Variants in EVC2 observed in about 807,000 individuals in gnomAD.
The protein encoded by EVC2 is EvC ciliary complex subunit 2, also known as limbin.
A neutral mutation model predicts 149.3 loss-of-function variants in EVC2; 148 were observed. The ratio of observed to expected loss-of-function variants is 0.99; its 90% CI spans 0.87 to 1.14. The LOEUF is 1.14. Ranked by LOEUF, EVC2 falls within the 50% of genes most tolerant of loss-of-function variation. The pLI is 0.00. For synonymous variants in EVC2, 776 were observed against 649.9 expected (o/e 1.19, Z -2.95); for missense variants, 1,854 against 1,627.3 (o/e 1.14, Z -2.40).
At chr4:5,671,762 G>A (rs1175641205) in intron 7 of EVC2, among the ~76,000 whole-genome samples, 6 of 152,232 alleles carry the variant, frequency 3.9e-5, no homozygotes, top group East Asian at 1.9e-4. Flanking sequence ...TGCCCACCTC[G>A]GCCTCCCAAA....
chr4:5,681,423 A>C, intron 6 of EVC2, 110 bp from the exon 7 acceptor site: 2 of 1,108,558 alleles, frequency 1.8e-6, no homozygotes, highest in Non-Finnish European at 1.3e-6. Context: ...AATCAGCCCT[A>C]ACTGCTGCAC....
At chr4:5,602,314 A>AG (rs1714049785) in intron 16 of EVC2, among the ~76,000 whole-genome samples, 1 of 146,216 alleles carries the variant, frequency 6.8e-6, no homozygotes, top group African/African-American at 2.6e-5. Context: ...AAAAAAAAAA[A>AG]GTAAAAAGAA....
At chr4:5,623,224 C>T (rs1031364984) in intron 13 of EVC2, among the ~76,000 whole-genome samples, 3 of 152,204 alleles carry the variant, frequency 2.0e-5, no homozygotes, top group Non-Finnish European at 4.4e-5. Context: ...CAATCTCCAC[C>T]TCCTGGGTTC....
chr4:5,695,103 A>C (rs1721384679), intron 2 of EVC2, among the ~76,000 whole-genome samples: 1 of 151,954 alleles, frequency 6.6e-6, no homozygotes, highest in South Asian at 2.1e-4. Context: ...TAATCCTAGC[A>C]CTTTGGGAGG....
chr4:5,678,843 C>T (rs1234654338), intron 7 of EVC2, among the ~76,000 whole-genome samples: 1 of 152,064 alleles, frequency 6.6e-6, no homozygotes, highest in African/African-American at 2.4e-5. Flanking sequence ...CCAGCCTGGC[C>T]AATGTGGTAA....
In EVC2 at chr4:5,702,499, TC is replaced by T. The variant is rs541426142; in HGVS notation, c.229-4853del. ...TGGTCTCTGCTAACCCTCCACTGCC[TC>T]CTCCCCTTCTGATCAACTTCCAGTA... is the stretch of plus-strand genomic sequence containing the variant. On this transcript the variant is annotated intron_variant, in intron 1 of 21. Coordinates refer to ENST00000344408, the MANE Select transcript of EVC2 (RefSeq NM_147127.5). Among the ~76,000 whole-genome samples, 258 of 152,264 alleles carry T rather than the reference TC, an allele frequency of 1.7e-3. 2 individuals are homozygous for T. Among genetic ancestry groups the T allele is most frequent in the African/African-American group, 5.6e-3 (232 of 41,564 alleles).
At chr4:5,601,784 G>C (rs760003427) in intron 16 of EVC2, among the ~76,000 whole-genome samples, 1 of 152,176 alleles carries the variant, frequency 6.6e-6, no homozygotes, top group Admixed American at 6.5e-5. Flanking sequence ...TAACAACAAC[G>C]ATAAAACCAG....
chr4:5,687,312 A>G (rs900855155), intron 5 of EVC2, among the ~76,000 whole-genome samples: 6 of 152,180 alleles, frequency 3.9e-5, no homozygotes, highest in African/African-American at 1.2e-4. Context: ...ACCTCCTATT[A>G]CCAGGAGCCC....
intron 1 of EVC2, among the ~76,000 whole-genome samples, chr4:5,707,356 C>T (rs1722274794): frequency 6.6e-6 from 1 of 152,114 alleles, no homozygotes; most frequent in Admixed American, 6.5e-5. Flanking sequence ...GGGTAGAGAA[C>T]ACAGCAGGAC....
intron 16 of EVC2, among the ~76,000 whole-genome samples, chr4:5,606,463 G>A (rs75378052): frequency 0.018 from 2,727 of 152,268 alleles, 71 homozygotes; most frequent in African/African-American, 0.063. Context: ...AAACGCAGCT[G>A]TTAACCCAAG....
chr4:5,695,724 C>G (rs1721434054), intron 2 of EVC2, among the ~76,000 whole-genome samples: 1 of 152,180 alleles, frequency 6.6e-6, no homozygotes, highest in South Asian at 2.1e-4. Flanking sequence ...TGGCATTGTG[C>G]CTTCTTCAAC....
chr4:5,625,396 A>G lies in EVC2; in HGVS notation c.2046+353T>C, dbSNP rs920722647. Reference sequence around the variant, plus strand: ...AGGGTTAATATACAGATTAAACAAGATATCTTATATAACACACTTAGCACA... The same window carrying G: ...AGGGTTAATATACAGATTAAACAAGGTATCTTATATAACACACTTAGCACA... On this transcript the variant is annotated intron_variant, in intron 13 of 21. Coordinates refer to ENST00000344408, the MANE Select transcript of EVC2 (RefSeq NM_147127.5). The surrounding 1 kb of genome is among the most constrained non-coding windows in gnomAD (Gnocchi z 4.0). Among the ~76,000 whole-genome samples, 3 of 152,228 alleles carry G rather than the reference A, an allele frequency of 2.0e-5. No individual in the cohort carries two copies. The highest frequency in any genetic ancestry group is 7.2e-5 in the African/African-American group (3 of 41,536).
At chr4:5,674,149 C>T (rs1719844913) in intron 7 of EVC2, among the ~76,000 whole-genome samples, 1 of 152,136 alleles carries the variant, frequency 6.6e-6, no homozygotes, top group Non-Finnish European at 1.5e-5. Flanking sequence ...TCACACAGTC[C>T]CTGAGGGGCA....
chr4:5,650,630 TATATATATAGAGAGAGAG>T (rs1285837074), intron 9 of EVC2, among the ~76,000 whole-genome samples: 6 of 67,926 alleles, frequency 8.8e-5, no homozygotes, highest in East Asian at 5.2e-4. Flanking sequence ...TATATATATA[TATATATATAGAGAGAGAG>T]AGAGAGAGAG....
chr4:5,553,659 ACT>A (rs1338291943), intron 21 of EVC2, among the ~76,000 whole-genome samples: 3 of 152,164 alleles, frequency 2.0e-5, no homozygotes, highest in Non-Finnish European at 4.4e-5. Context: ...TGATTGCACA[ACT>A]CTGTCAATAT....
At position 5,622,698 on chromosome 4, in the gene EVC2, G is replaced by C. The variant is rs150691722; in HGVS notation, c.2340C>G (p.His780Gln). 2 of 1,613,912 alleles carry C rather than the reference G, an allele frequency of 1.2e-6. No homozygotes were observed. The highest frequency in any genetic ancestry group is 1.7e-6 in the Non-Finnish European group (2 of 1,180,026). ...CGGCCCGTGCAGCCATCTCCTTGCCGTGCTCCTCCAGGATCTGCTGCAGGA... is the reference window on the plus strand; with the variant it reads ...CGGCCCGTGCAGCCATCTCCTTGCCCTGCTCCTCCAGGATCTGCTGCAGGA... ...WLFLQQILEE[H>Q]GKEMAARAEQ... The change falls in exon 14 of 22, where the codon CAC (histidine) becomes CAG (glutamine). Residue 780 changes from histidine to glutamine, a missense_variant. By Grantham distance (24) the His-to-Gln change is conservative. Transcript: ENST00000344408. This position sits in a 1 kb window ranked among gnomAD's most constrained non-coding sequence, Gnocchi z 5.8.
chr4:5,685,603 G>A, intron 5 of EVC2, 124 bp from the exon 6 acceptor site: 3 of 738,954 alleles, frequency 4.1e-6, no homozygotes, highest in South Asian at 3.2e-5. Context: ...CACCATGGCA[G>A]TGATGCCTGC....
At chr4:5,662,283 C>G (rs1718929195) in intron 9 of EVC2, among the ~76,000 whole-genome samples, 1 of 151,892 alleles carries the variant, frequency 6.6e-6, no homozygotes, top group Non-Finnish European at 1.5e-5. Context: ...TCCCTCTTAA[C>G]TAATGAGTAC....
chr4:5,614,781 CA>C lies in EVC2; in HGVS notation c.2829+640del, dbSNP rs1185730728. ...TCACCTGAAGTCAGGAGTTTGAGAC[CA>C]ATCTGGCCAACATGGTGAAACCACA... On this transcript the variant is annotated intron_variant, in intron 16 of 21. Coordinates refer to ENST00000344408, the MANE Select transcript of EVC2 (RefSeq NM_147127.5). The surrounding 1 kb of genome is among the most constrained non-coding windows in gnomAD (Gnocchi z 4.7). 1.3e-5 allele frequency among the ~76,000 whole-genome samples: 2 copies of C among 152,014 alleles called. No homozygotes were observed. The highest frequency in any genetic ancestry group is 2.9e-5 in the Non-Finnish European group (2 of 68,032).
Sources: gnomAD v4.1 joint callset for allele counts (sites outside exome capture counted in the v4.1 genomes callset) on GRCh38, gnomAD v4.1.1 for gene constraint, Gnocchi (gnomAD v3.1) non-coding constraint, MANE v1.5 for transcripts, NCBI Gene and HGNC (gene_info 2026-07-23, HGNC 2026-07-21) for gene names.